Variants in NUP210 observed in about 807,000 individuals in gnomAD.
NUP210 encodes the protein nuclear pore membrane glycoprotein 210.
Under a neutral mutation model 196.0 loss-of-function variants are expected in NUP210, and 151 were observed. That is an observed-to-expected ratio of 0.77 (90% CI 0.67 to 0.88). The LOEUF is 0.88. Ranked by LOEUF, NUP210 falls within the 40% of genes least tolerant of loss-of-function variation. NUP210 has a pLI of 0.00. For missense variants in NUP210, 2,314 were observed against 2,493.7 expected (o/e 0.93, Z 1.53); for synonymous variants, 1,070 against 1,052.7 (o/e 1.02, Z -0.32).
intron 28 of NUP210, among the ~76,000 whole-genome samples, chr3:13,333,711 G>A (rs1314976053): frequency 2.0e-5 from 3 of 152,130 alleles, no homozygotes; most frequent in Admixed American, 6.5e-5. Flanking sequence ...GCCCCCTTCC[G>A]GCATCCACAC....
At position 13,350,692 on chromosome 3, in the gene NUP210, C is replaced by CTT. The variant is rs59291391; in HGVS notation, c.2835+1185_2835+1186dup. On this transcript the variant is annotated intron_variant, in intron 20 of 39. Coordinates refer to ENST00000254508, the MANE Select transcript of NUP210 (RefSeq NM_024923.4). The surrounding 1 kb of genome is among the most constrained non-coding windows in gnomAD (Gnocchi z 4.1). Reference sequence around the variant, plus strand: ...AGTTACAGGAAAAAAAATAGAAATTCTTTTTTTTTTTTTTTTTTTGAGATG... The same window carrying CTT: ...AGTTACAGGAAAAAAAATAGAAATTCTTTTTTTTTTTTTTTTTTTTTGAGATG... Among the ~76,000 whole-genome samples, 33 of 131,494 alleles carry CTT rather than the reference C, an allele frequency of 2.5e-4. No individual in the cohort carries two copies. The highest frequency in any genetic ancestry group is 3.9e-4 in the Non-Finnish European group (24 of 61,162). The allele number at this position is 131,494 out of a possible 152,430, so 86.3% of individuals were successfully genotyped here.
chr3:13,392,883 A>G (rs1186466621), intron 3 of NUP210, among the ~76,000 whole-genome samples: 1 of 152,160 alleles, frequency 6.6e-6, no homozygotes, highest in Non-Finnish European at 1.5e-5. Context: ...CCGGCTTTGC[A>G]GTATGCTCGG....
In NUP210 at chr3:13,360,425, C is replaced by T. The variant is rs1415011038; in HGVS notation, c.1999G>A (p.Gly667Ser). 1.2e-6 allele frequency: 2 copies of T among 1,613,992 alleles called. No homozygotes were observed. Among genetic ancestry groups the T allele is most frequent in the Non-Finnish European group, 1.7e-6 (2 of 1,179,978 alleles). ...GGCTCGAGGATCCAAGGTCTGGGAC[C>T]TCCTTCAAACAGCATCTCCTTTGAG... ...GSSKEMLFEGGPRPWILEPSK... is the reference protein window; with the variant it reads ...GSSKEMLFEGSPRPWILEPSK... The change falls in exon 15 of 40, where the codon GGT (glycine) becomes AGT (serine). Residue 667 changes from glycine (G) to serine (S), a missense_variant. By Grantham distance (56) the Gly-to-Ser change is moderately conservative. Transcript: ENST00000254508.
intron 16 of NUP210, among the ~76,000 whole-genome samples, chr3:13,357,932 G>A (rs990738721): frequency 5.3e-5 from 8 of 152,124 alleles, no homozygotes; most frequent in African/African-American, 7.2e-5. Flanking sequence ...TTAAACTACC[G>A]AGTGCCAAAC....
chr3:13,397,518 C>T (rs1411105430), intron 2 of NUP210, 30 bp from the exon 3 acceptor site: 6 of 1,551,766 alleles, frequency 3.9e-6, no homozygotes, highest in Non-Finnish European at 5.2e-6. Flanking sequence ...GGGTCAGCAC[C>T]AAAGACAGTC....
At chr3:13,371,755 T>C (rs1698738161) in intron 13 of NUP210, 79 bp downstream of exon 13, 2 of 1,332,104 alleles carry the variant, frequency 1.5e-6, no homozygotes, top group Non-Finnish European at 2.1e-6. Flanking sequence ...TCTTTGGGAA[T>C]CTGGCGGTCC....
intron 1 of NUP210, among the ~76,000 whole-genome samples, chr3:13,413,478 AAAC>A (rs898247636): frequency 4.6e-5 from 7 of 151,852 alleles, no homozygotes; most frequent in African/African-American, 1.5e-4. Flanking sequence ...TCAAAAAAAA[AAAC>A]AAACAAACAA....
At chr3:13,398,285 C>T (rs748835124) in intron 2 of NUP210, among the ~76,000 whole-genome samples, 2 of 151,998 alleles carry the variant, frequency 1.3e-5, no homozygotes, top group African/African-American at 2.4e-5. Flanking sequence ...ATTAAAAATA[C>T]AAGAAAAATT....
intron 13 of NUP210, 130 bp from the exon 14 acceptor site, chr3:13,366,221 G>C (rs376150084): frequency 4.8e-6 from 4 of 837,306 alleles, no homozygotes; most frequent in Non-Finnish European, 5.4e-6. Flanking sequence ...CTCCGCCTCC[G>C]GGGTTCAAGT....
chr3:13,330,744 A>G lies in NUP210; in HGVS notation c.3936-110T>C, dbSNP rs1696964029. 4 of 1,076,008 alleles carry G rather than the reference A, an allele frequency of 3.7e-6. No homozygotes were observed. The Admixed American group carries it at 7.6e-5, about 20-fold the overall frequency. 66.7% of individuals were successfully genotyped at this position (1,076,008 alleles called of 1,614,324 possible). On this transcript the variant is annotated intron_variant, in intron 29 of 39. Coordinates refer to ENST00000254508, the MANE Select transcript of NUP210 (RefSeq NM_024923.4). ...GTGGCTCCTCATGCTCCTGGGAGGA[A>G]AAAAGGCCCAATCTTGGCCCCACGG...
chr3:13,339,714 G>A, intron 25 of NUP210, 140 bp downstream of exon 25: 1 of 736,150 alleles, frequency 1.4e-6, no homozygotes, highest in East Asian at 2.6e-5. Flanking sequence ...CCTGCACCAG[G>A]GCCCCTGCAG....
At chr3:13,331,901 C>A (rs1415697913) in intron 29 of NUP210, among the ~76,000 whole-genome samples, 1 of 152,112 alleles carries the variant, frequency 6.6e-6, no homozygotes, top group Non-Finnish European at 1.5e-5. Context: ...TCTCCCTGGG[C>A]AGGTCTGGGG....
chr3:13,343,392 G>C, intron 20 of NUP210, 89 bp from the exon 21 acceptor site: 2 of 1,480,646 alleles, frequency 1.4e-6, no homozygotes, highest in Non-Finnish European at 1.8e-6. Context: ...GCAGTGCCTC[G>C]CCCTCAGCAC....
chr3:13,362,138 CTCTG>C (rs1698392171), intron 14 of NUP210, among the ~76,000 whole-genome samples: 1 of 152,140 alleles, frequency 6.6e-6, no homozygotes, highest in South Asian at 2.1e-4. Context: ...CTGTTTCCTT[CTCTG>C]TCTGTGGCAT....
At chr3:13,324,606 TCCC>T (rs1161598805) in intron 33 of NUP210, among the ~76,000 whole-genome samples, 1 of 152,070 alleles carries the variant, frequency 6.6e-6, no homozygotes, top group Non-Finnish European at 1.5e-5. Context: ...CCTCCCTCCC[TCCC>T]GTCTCTCCCA....
intron 27 of NUP210, 135 bp from the exon 28 acceptor site, chr3:13,335,747 G>A: frequency 4.1e-6 from 4 of 986,874 alleles, no homozygotes; most frequent in African/African-American, 1.6e-5. Context: ...CAAGGGCTCT[G>A]CCTTCCTGCC....
chr3:13,372,912 G>A (rs1428270289), intron 12 of NUP210, among the ~76,000 whole-genome samples: 1 of 152,180 alleles, frequency 6.6e-6, no homozygotes, highest in Non-Finnish European at 1.5e-5. Context: ...TGGGGTGAGA[G>A]GACAGGGGTC....
chr3:13,412,011 G>A (rs1700189373), intron 1 of NUP210, among the ~76,000 whole-genome samples: 1 of 152,020 alleles, frequency 6.6e-6, no homozygotes, highest in South Asian at 2.1e-4. Context: ...CCAAAGTGCT[G>A]GGATTACAGG....
intron 18 of NUP210, 84 bp downstream of exon 18, chr3:13,353,470 T>G (rs1698052425): frequency 1.7e-6 from 2 of 1,155,370 alleles, no homozygotes; most frequent in East Asian, 4.7e-5. Context: ...CTCAGGACAC[T>G]GTGATACCCG....
Sources: allele counts gnomAD v4.1 joint callset (sites outside exome capture counted in the v4.1 genomes callset), GRCh38; gene constraint gnomAD v4.1.1; non-coding constraint Gnocchi (gnomAD v3.1); transcripts MANE v1.5; gene names NCBI Gene and HGNC (gene_info 2026-07-23, HGNC 2026-07-21).